LDAH: variants seen among roughly 807,000 people sequenced by gnomAD.
LDAH encodes the protein lipid droplet-associated hydrolase.
In LDAH, 26 loss-of-function variants were observed where a neutral mutation model predicts 29.6. The observed-to-expected ratio is 0.88, with a 90% confidence interval of 0.64 to 1.22. The LOEUF (loss-of-function observed/expected upper bound fraction) is 1.22, where lower values mean the gene tolerates loss of function less well. Ranked by LOEUF, LDAH falls within the 50% of genes most tolerant of loss-of-function variation. The probability of loss-of-function intolerance (pLI) is 0.00; values close to 1 mark genes in which losing one functional copy is unlikely to be tolerated. For synonymous variants in LDAH, 117 were observed against 133.0 expected, an observed-to-expected ratio of 0.88 and a Z score of 0.83; for missense variants, 344 against 387.3, an observed-to-expected ratio of 0.89 and a Z score of 0.94.
At chr2:20,683,728 G>T (rs1341752571), downstream of LDAH, among the ~76,000 whole-genome samples, 3 of 152,274 alleles carry the variant, frequency 2.0e-5, no homozygotes, top group Middle Eastern at 3.4e-3. Flanking sequence ...CTACACTAAA[G>T]AGAAGAGAAA....
intron 4 of LDAH, among the ~76,000 whole-genome samples, chr2:20,748,656 C>A (rs1667748034): frequency 6.6e-6 from 1 of 152,186 alleles, no homozygotes; most frequent in South Asian, 2.1e-4. Flanking sequence ...TTAGGAAGCA[C>A]CTGTTATTTT....
intron 2 of LDAH, among the ~76,000 whole-genome samples, chr2:20,796,112 T>C (rs965781568): frequency 2.0e-5 from 3 of 152,186 alleles, no homozygotes; most frequent in Non-Finnish European, 2.9e-5. Context: ...AAATGTTTTA[T>C]GCTTCCCTCC....
chr2:20,793,535 T>C (rs768860562), intron 2 of LDAH, among the ~76,000 whole-genome samples: 33 of 152,230 alleles, frequency 2.2e-4, no homozygotes, highest in Non-Finnish European at 3.1e-4. Context: ...GGCTAAAGCA[T>C]AACAAGAGAT....
At chr2:20,756,953 T>C (rs745655718) in intron 4 of LDAH, among the ~76,000 whole-genome samples, 5 of 152,244 alleles carry the variant, frequency 3.3e-5, no homozygotes, top group South Asian at 2.1e-4. Flanking sequence ...TACTTCTCAA[T>C]AGCAGAGCTG....
chr2:20,729,229 C>G (rs1666231262), intron 5 of LDAH, among the ~76,000 whole-genome samples: 1 of 152,144 alleles, frequency 6.6e-6, no homozygotes, highest in South Asian at 2.1e-4. Context: ...TCAAGTGCAG[C>G]TTTTGGAGCC....
At chr2:20,727,702 C>T (rs1170448712) in intron 5 of LDAH, among the ~76,000 whole-genome samples, 2 of 152,124 alleles carry the variant, frequency 1.3e-5, no homozygotes, top group Non-Finnish European at 2.9e-5. Context: ...ATCAACTTAG[C>T]TGTCTCAGTG....
rs537498923 is a variant in LDAH, at chr2:20,794,055, G to A, written c.155-3657C>T. ...AACTGGGCAACTCACACACAAAGAA[G>A]AGGTTTCATGGACTCACAGTTCCAC... On this transcript the variant is annotated intron_variant, in intron 2 of 6. Coordinates refer to ENST00000237822, the MANE Select transcript of LDAH (RefSeq NM_021925.4). Among the ~76,000 whole-genome samples the A allele has an allele frequency of 5.3e-3, 749 of 141,366 alleles. 4 individuals are homozygous for A. The highest frequency in any genetic ancestry group is 0.022 in the African/African-American group (706 of 31,872). The allele number at this position is 141,366 out of a possible 152,430, so 92.7% of individuals were successfully genotyped here.
intron 4 of LDAH, among the ~76,000 whole-genome samples, chr2:20,746,017 C>T (rs1020802407): frequency 2.0e-5 from 3 of 152,074 alleles, no homozygotes; most frequent in Admixed American, 6.6e-5. Flanking sequence ...TGTGCAGAGG[C>T]CATAGAAAGC....
At chr2:20,817,977 A>G (rs1241970046) in intron 1 of LDAH, among the ~76,000 whole-genome samples, 1 of 152,128 alleles carries the variant, frequency 6.6e-6, no homozygotes, top group African/African-American at 2.4e-5. Flanking sequence ...GACAAGATAG[A>G]CTGACTATAA....
At chr2:20,755,501 T>C (rs1668281682) in intron 4 of LDAH, among the ~76,000 whole-genome samples, 1 of 152,186 alleles carries the variant, frequency 6.6e-6, no homozygotes, top group East Asian at 1.9e-4. Context: ...TCTTTTCCTA[T>C]TTTGTTCACA....
chr2:20,778,459 T>C (rs998492939), intron 3 of LDAH, among the ~76,000 whole-genome samples: 5 of 152,212 alleles, frequency 3.3e-5, no homozygotes, highest in African/African-American at 1.2e-4. Flanking sequence ...AAAATTGCTT[T>C]CAATTTTAAA....
chr2:20,689,445 C>T (rs1662829027), intron 6 of LDAH, among the ~76,000 whole-genome samples: 1 of 152,192 alleles, frequency 6.6e-6, no homozygotes, highest in Admixed American at 6.5e-5. Flanking sequence ...GTTCTTCCTC[C>T]TGGTCTCAGC....
chr2:20,801,269 G>T, intron 2 of LDAH, 41 bp downstream of exon 2: 1 of 1,579,508 alleles, frequency 6.3e-7, no homozygotes. Context: ...ATAGTTATGA[G>T]TATCTACAAA....
intron 5 of LDAH, among the ~76,000 whole-genome samples, chr2:20,704,630 A>C (rs1180756099): frequency 3.3e-5 from 5 of 152,212 alleles, no homozygotes; most frequent in Non-Finnish European, 7.3e-5. Context: ...TGAAAAGATA[A>C]ACAATAAAAT....
chr2:20,762,845 A>G (rs1467709118), intron 4 of LDAH, among the ~76,000 whole-genome samples: 1 of 152,224 alleles, frequency 6.6e-6, no homozygotes, highest in African/African-American at 2.4e-5. Context: ...CACCAGGGTA[A>G]TATTTTCAAA....
At chr2:20,688,233 G>C (rs1303602412) in intron 6 of LDAH, among the ~76,000 whole-genome samples, 1 of 152,190 alleles carries the variant, frequency 6.6e-6, no homozygotes, top group Non-Finnish European at 1.5e-5. Context: ...CCCCAGAGTT[G>C]ATGCCTCAGT....
intron 1 of LDAH, among the ~76,000 whole-genome samples, chr2:20,818,548 G>T (rs879732087): frequency 2.6e-5 from 4 of 151,094 alleles, no homozygotes; most frequent in African/African-American, 4.9e-5. Context: ...TCACCATCTA[G>T]CCCCTTGCAA....
chr2:20,820,626 A>G (rs1186759784), intron 1 of LDAH, among the ~76,000 whole-genome samples: 9 of 150,624 alleles, frequency 6.0e-5, no homozygotes, highest in Admixed American at 5.9e-4. Flanking sequence ...AAGATGGATT[A>G]AAGACTTAAA....
At chr2:20,719,043 A>C (rs1428414309) in intron 5 of LDAH, among the ~76,000 whole-genome samples, 1 of 152,024 alleles carries the variant, frequency 6.6e-6, no homozygotes, top group African/African-American at 2.4e-5. Flanking sequence ...TTATAGCAAT[A>C]AATGCCTATG....
Sources: allele counts gnomAD v4.1 joint callset (sites outside exome capture counted in the v4.1 genomes callset), GRCh38; gene constraint gnomAD v4.1.1; transcripts MANE v1.5; gene names NCBI Gene and HGNC (gene_info 2026-07-23, HGNC 2026-07-21).